CAMK1D: variants seen among roughly 807,000 people sequenced by gnomAD.
CAMK1D encodes the protein calcium/calmodulin-dependent protein kinase type 1D.
A neutral mutation model predicts 47.7 loss-of-function variants in CAMK1D; 9 were observed. The observed-to-expected ratio is 0.19, with a 90% CI of 0.11 to 0.33. The LOEUF is 0.33. Among genes scored for constraint, CAMK1D ranks in the 10% least tolerant of loss-of-function variants. The pLI is 1.00. For missense variants in CAMK1D, 291 were observed against 488.7 expected (o/e 0.60, Z 3.81); for synonymous variants, 184 against 184.9 (o/e 0.99, Z 0.04).
At chr10:12,492,364 A>G (rs1363618832) in intron 1 of CAMK1D, among the ~76,000 whole-genome samples, 1 of 151,448 alleles carries the variant, frequency 6.6e-6, no homozygotes, top group Non-Finnish European at 1.5e-5. Flanking sequence ...AAAAAAAAAA[A>G]AGAAAAGACT....
chr10:12,361,248 G>GTTTTTTTTTTTTTTT (rs55700646), intron 1 of CAMK1D, among the ~76,000 whole-genome samples: 2 of 120,072 alleles, frequency 1.7e-5, no homozygotes, highest in East Asian at 2.4e-4. Flanking sequence ...CTATTTGACT[G>GTTTTTTTTTTTTTTT]TTTTTTTTTT....
intron 2 of CAMK1D, among the ~76,000 whole-genome samples, chr10:12,591,688 G>C (rs1195168538): frequency 6.6e-6 from 1 of 152,022 alleles, no homozygotes; most frequent in African/African-American, 2.4e-5. Flanking sequence ...TACATAATAG[G>C]GTTGGTTGGT....
chr10:12,591,456 C>G (rs1157394496), intron 2 of CAMK1D, among the ~76,000 whole-genome samples: 1 of 152,228 alleles, frequency 6.6e-6, no homozygotes, highest in Non-Finnish European at 1.5e-5. Flanking sequence ...TTCCCTTCTT[C>G]CACTAAAAAG....
At chr10:12,454,320 G>A (rs1204793770) in intron 1 of CAMK1D, among the ~76,000 whole-genome samples, 6 of 151,914 alleles carry the variant, frequency 3.9e-5, no homozygotes, top group African/African-American at 1.5e-4. Context: ...GTGCCACCAC[G>A]CCTGGCTAAT....
intron 2 of CAMK1D, among the ~76,000 whole-genome samples, chr10:12,629,681 C>A (rs1839321524): frequency 6.6e-6 from 1 of 152,206 alleles, no homozygotes; most frequent in Non-Finnish European, 1.5e-5. Flanking sequence ...GTAATTCTCA[C>A]AATATCCAAG....
At chr10:12,710,807 C>T (rs1358777940) in intron 3 of CAMK1D, among the ~76,000 whole-genome samples, 1 of 152,124 alleles carries the variant, frequency 6.6e-6, no homozygotes, top group East Asian at 1.9e-4. Flanking sequence ...ACAAAGACAT[C>T]CAGGCTGAAC....
rs957606969 is a variant in CAMK1D at position 12,830,717 on chromosome 10, C to T, written c.*1830C>T. On this transcript the variant is annotated 3_prime_UTR_variant, in exon 11 of 11. Transcript: ENST00000619168. ...CTGCAAGTGCCCCTGCTTCAGCTCT[C>T]AGGCCCATCCAATGCCTCGAGCCCA... 1 of 152,238 alleles carries T rather than the reference C, an allele frequency of 6.6e-6. No individual in the cohort carries two copies. Among genetic ancestry groups the T allele is most frequent in the African/African-American group, 2.4e-5 (1 of 41,446 alleles). 9.4% of individuals were successfully genotyped at this position (152,238 alleles called of 1,614,324 possible).
In CAMK1D at chr10:12,766,402, C is replaced by T. The variant is rs1220209435; in HGVS notation, c.439-3271C>T. On this transcript the variant is annotated intron_variant, in intron 4 of 10. Transcript: ENST00000619168. Reference sequence around the variant, plus strand: ...TTTTGAGACGGAGTGTTGCCTCTGTCCCCAGGTTGGAGTGCAGTGGCGTAC... The same window carrying T: ...TTTTGAGACGGAGTGTTGCCTCTGTTCCCAGGTTGGAGTGCAGTGGCGTAC... 2.3e-5 allele frequency among the ~76,000 whole-genome samples: 3 copies of T among 129,780 alleles called. No individual in the cohort carries two copies. The East Asian group carries it at 6.8e-4, about 29-fold the overall frequency. 85.1% of individuals were successfully genotyped at this position (129,780 alleles called of 152,430 possible).
chr10:12,516,557 T>A (rs1038944783), intron 1 of CAMK1D, among the ~76,000 whole-genome samples: 3 of 152,210 alleles, frequency 2.0e-5, no homozygotes, highest in African/African-American at 7.2e-5. Flanking sequence ...TTGTCAGAAA[T>A]TGCTAAACTG....
intron 3 of CAMK1D, among the ~76,000 whole-genome samples, chr10:12,734,379 G>GATAT (rs1261052658): frequency 2.2e-5 from 1 of 45,546 alleles, no homozygotes; most frequent in African/African-American, 9.7e-5. Context: ...TATATATATA[G>GATAT]ATATAGATAT....
At chr10:12,523,527 G>A (rs1433721528) in intron 1 of CAMK1D, among the ~76,000 whole-genome samples, 7 of 151,740 alleles carry the variant, frequency 4.6e-5, no homozygotes, top group African/African-American at 9.7e-5. Context: ...CGGATCACTC[G>A]CAGTTAGGAG....
intron 2 of CAMK1D, among the ~76,000 whole-genome samples, chr10:12,564,103 ATCTG>A (rs1274153557): frequency 2.0e-5 from 3 of 150,490 alleles, no homozygotes; most frequent in Admixed American, 1.3e-4. Flanking sequence ...AGATAGATAG[ATCTG>A]TCTGTCTAGA....
At chr10:12,569,602 C>A (rs1837254907) in intron 2 of CAMK1D, among the ~76,000 whole-genome samples, 2 of 151,152 alleles carry the variant, frequency 1.3e-5, no homozygotes, top group Non-Finnish European at 2.9e-5. Context: ...GCCTGTAGTC[C>A]CAGCTACTCG....
At chr10:12,801,877 C>A (rs1486403473) in intron 6 of CAMK1D, among the ~76,000 whole-genome samples, 2 of 152,192 alleles carry the variant, frequency 1.3e-5, no homozygotes, top group Non-Finnish European at 2.9e-5. Context: ...GAGTGGGTGA[C>A]TCATTTCCCC....
chr10:12,419,290 A>G (rs1480488910), intron 1 of CAMK1D, among the ~76,000 whole-genome samples: 1 of 152,044 alleles, frequency 6.6e-6, no homozygotes, highest in Non-Finnish European at 1.5e-5. Flanking sequence ...AGAAAACCAA[A>G]CTCAAGGAGG....
At chr10:12,406,722 CAAAAA>C (rs3061400) in intron 1 of CAMK1D, among the ~76,000 whole-genome samples, 4 of 69,242 alleles carry the variant, frequency 5.8e-5, no homozygotes, top group Non-Finnish European at 7.8e-5. Flanking sequence ...GACCCTGTCT[CAAAAA>C]AAAAAAAAAA....
chr10:12,401,052 AT>A (rs1839163419), intron 1 of CAMK1D, among the ~76,000 whole-genome samples: 1 of 103,448 alleles, frequency 9.7e-6, no homozygotes, highest in Admixed American at 1.6e-4. Flanking sequence ...TATTATATAT[AT>A]TATATATATA....
intron 2 of CAMK1D, among the ~76,000 whole-genome samples, chr10:12,622,912 G>C (rs1839042418): frequency 6.6e-6 from 1 of 151,904 alleles, no homozygotes; most frequent in African/African-American, 2.4e-5. Context: ...GCTTGTGTGG[G>C]GAACAAGCAC....
At chr10:12,616,104 G>C (rs1033668761) in intron 2 of CAMK1D, among the ~76,000 whole-genome samples, 7 of 151,822 alleles carry the variant, frequency 4.6e-5, no homozygotes, top group Non-Finnish European at 7.4e-5. Flanking sequence ...AGGTGTGAGC[G>C]TGTGTGTATG....
Sources: allele counts gnomAD v4.1 joint callset (sites outside exome capture counted in the v4.1 genomes callset), GRCh38; gene constraint gnomAD v4.1.1; transcripts MANE v1.5; gene names NCBI Gene and HGNC (gene_info 2026-07-23, HGNC 2026-07-21).